Variants in BRINP1 observed in about 807,000 individuals in gnomAD.
BRINP1 encodes the protein BMP/retinoic acid inducible neural specific 1.
Under a neutral mutation model 72.9 loss-of-function variants are expected in BRINP1, and 17 were observed. The ratio of observed to expected loss-of-function variants is 0.23; its 90% CI spans 0.16 to 0.35. The LOEUF (loss-of-function observed/expected upper bound fraction) is 0.35, where lower values mean the gene tolerates loss of function less well. Among genes scored for constraint, BRINP1 ranks in the 10% least tolerant of loss-of-function variants. The pLI is 1.00. For missense variants in BRINP1, 850 were observed against 1,001.6 expected (o/e 0.85, Z 2.04); for synonymous variants, 418 against 378.5 (o/e 1.10, Z -1.21).
At position 119,246,996 on chromosome 9, in the gene BRINP1, C is replaced by A. The variant is rs562431520; in HGVS notation, c.409+1964G>T. 9.2e-5 allele frequency among the ~76,000 whole-genome samples: 14 copies of A among 152,236 alleles called. No individual in the cohort carries two copies. The South Asian group carries it at 2.5e-3, about 27-fold the overall frequency. On this transcript the variant is annotated intron_variant, in intron 3 of 7. Transcript: ENST00000265922. ...ACAAGGCTCTGTGAATAATTCACCA[C>A]CTTGCCTTAGAGAAATTAAAAATAT...
intron 2 of BRINP1, among the ~76,000 whole-genome samples, chr9:119,282,299 G>A (rs1588190139): frequency 6.6e-6 from 1 of 152,182 alleles, no homozygotes; most frequent in Non-Finnish European, 1.5e-5. Context: ...AAATCCACAG[G>A]AGGAAAGAGC....
chr9:119,230,939 T>C (rs1830143669), intron 5 of BRINP1, among the ~76,000 whole-genome samples: 1 of 151,952 alleles, frequency 6.6e-6, no homozygotes, highest in Non-Finnish European at 1.5e-5. Context: ...TCTATCCTCC[T>C]TGCATTCATC....
chr9:119,362,453 C>A (rs1161922133), intron 1 of BRINP1, among the ~76,000 whole-genome samples: 1 of 152,166 alleles, frequency 6.6e-6, no homozygotes, highest in Non-Finnish European at 1.5e-5. Flanking sequence ...TCTGAAGTGA[C>A]AATTATCAAT....
chr9:119,171,222 G>C (rs1275269894), intron 7 of BRINP1, among the ~76,000 whole-genome samples: 1 of 149,016 alleles, frequency 6.7e-6, no homozygotes, highest in Non-Finnish European at 1.5e-5. Flanking sequence ...TCAGTGTGCT[G>C]TATTCAGGAA....
At chr9:119,200,636 G>GAGA (rs1829795094) in intron 7 of BRINP1, among the ~76,000 whole-genome samples, 2 of 121,220 alleles carry the variant, frequency 1.6e-5, no homozygotes, top group African/African-American at 5.9e-5. Context: ...GAAAAAAAAA[G>GAGA]AAAAAAAAAA....
chr9:119,351,266 T>C (rs1831505448), intron 1 of BRINP1, among the ~76,000 whole-genome samples: 1 of 152,144 alleles, frequency 6.6e-6, no homozygotes, highest in Non-Finnish European at 1.5e-5. Context: ...GCACACACAC[T>C]TGCATACACA....
intron 7 of BRINP1, among the ~76,000 whole-genome samples, chr9:119,205,529 G>A (rs1400499584): frequency 6.6e-6 from 1 of 152,170 alleles, no homozygotes; most frequent in Non-Finnish European, 1.5e-5. Context: ...TGAGCATGGT[G>A]AAGTGACTTG....
At chr9:119,335,334 A>T (rs1264937137) in intron 1 of BRINP1, among the ~76,000 whole-genome samples, 1 of 152,164 alleles carries the variant, frequency 6.6e-6, no homozygotes, top group Non-Finnish European at 1.5e-5. Context: ...GGCTCATCCC[A>T]TCCACAGACC....
At chr9:119,288,386 T>G (rs1254353650) in intron 2 of BRINP1, among the ~76,000 whole-genome samples, 1 of 152,206 alleles carries the variant, frequency 6.6e-6, no homozygotes, top group Non-Finnish European at 1.5e-5. Context: ...AGGTTTATGA[T>G]GTAATGTATG....
At chr9:119,226,785 G>A (rs1247201733) in intron 5 of BRINP1, among the ~76,000 whole-genome samples, 1 of 151,960 alleles carries the variant, frequency 6.6e-6, no homozygotes, top group African/African-American at 2.4e-5. Context: ...ACTGTCTAAA[G>A]TAAATAGCAG....
At chr9:119,169,864 A>C (rs1588152365) in intron 7 of BRINP1, among the ~76,000 whole-genome samples, 1 of 152,294 alleles carries the variant, frequency 6.6e-6, no homozygotes, top group South Asian at 2.1e-4. Flanking sequence ...CCCCGCCAGC[A>C]GGGGCACACT....
At position 119,273,396 on chromosome 9, in the gene BRINP1, A is replaced by C. The variant is rs555837836; in HGVS notation, c.219-24246T>G. ...CTGAATCCAAAATGAGGCCAGAGGCACTCAGATGGGCAGAATCTCGGCTGG... is the reference window on the plus strand; with the variant it reads ...CTGAATCCAAAATGAGGCCAGAGGCCCTCAGATGGGCAGAATCTCGGCTGG... On this transcript the variant is annotated intron_variant, in intron 2 of 7. Transcript: ENST00000265922. Among the ~76,000 whole-genome samples, 3 of 152,284 alleles carry C rather than the reference A, an allele frequency of 2.0e-5. No homozygotes were observed. In the South Asian group the frequency reaches 6.2e-4, roughly 32 times the overall value.
intron 2 of BRINP1, among the ~76,000 whole-genome samples, chr9:119,303,962 C>T (rs1475695655): frequency 1.3e-5 from 2 of 151,280 alleles, no homozygotes; most frequent in Non-Finnish European, 2.9e-5. Flanking sequence ...TCACTGCAAC[C>T]TCTGCCTCCT....
intron 7 of BRINP1, among the ~76,000 whole-genome samples, chr9:119,168,739 A>G (rs1449113076): frequency 1.6e-5 from 2 of 125,462 alleles, no homozygotes; most frequent in Non-Finnish European, 3.7e-5. Context: ...ATATTTTATC[A>G]TACGCTAGAA....
chr9:119,231,235 T>C (rs962337130), intron 5 of BRINP1, among the ~76,000 whole-genome samples: 4 of 152,086 alleles, frequency 2.6e-5, no homozygotes, highest in African/African-American at 9.7e-5. Context: ...CATTATCACA[T>C]GTACAAATTG....
At chr9:119,280,721 GTA>G (rs1444464952) in intron 2 of BRINP1, among the ~76,000 whole-genome samples, 3 of 152,048 alleles carry the variant, frequency 2.0e-5, no homozygotes, top group Non-Finnish European at 4.4e-5. Context: ...GAGACACTCG[GTA>G]TACAAAGGAA....
chr9:119,208,243 T>C (rs1157548968), intron 7 of BRINP1, among the ~76,000 whole-genome samples: 1 of 152,132 alleles, frequency 6.6e-6, no homozygotes, highest in Admixed American at 6.5e-5. Flanking sequence ...TCTCCTGACA[T>C]TTTGTATTAC....
chr9:119,208,889 G>T lies in BRINP1; in HGVS notation c.975C>A (p.Ile325=). The T allele has an allele frequency of 1.2e-6, 2 of 1,614,168 alleles. No homozygotes were observed. The highest frequency in any genetic ancestry group is 1.1e-5 in the South Asian group (1 of 91,082). ...KRLPSNHFLT[I]GSIHQHWGND... is the part of the protein sequence containing the mutation. ...TGCCCCAGTGCTGATGGATGCTTCC[G>T]ATGGTCAGGAAGTGGTTGCTGGGGA... The change falls in exon 7 of 8, where the codon ATC becomes ATA. Residue 325 remains isoleucine (I), a synonymous_variant. Coordinates refer to ENST00000265922, the MANE Select transcript of BRINP1 (RefSeq NM_014618.3).
intron 2 of BRINP1, among the ~76,000 whole-genome samples, chr9:119,263,886 G>A (rs1284351303): frequency 6.6e-6 from 1 of 152,156 alleles, no homozygotes; most frequent in Non-Finnish European, 1.5e-5. Flanking sequence ...GGGATTACAG[G>A]CGTGAGCCAC....
Sources: gnomAD v4.1 joint callset for allele counts (sites outside exome capture counted in the v4.1 genomes callset) on GRCh38, gnomAD v4.1.1 for gene constraint, MANE v1.5 for transcripts, NCBI Gene and HGNC (gene_info 2026-07-23, HGNC 2026-07-21) for gene names.